MEGF6: variants seen among roughly 807,000 people sequenced by gnomAD.
MEGF6 encodes multiple EGF like domains 6.
A neutral mutation model predicts 207.1 loss-of-function variants in MEGF6; 184 were observed. The observed-to-expected ratio is 0.89, with a 90% confidence interval of 0.79 to 1.00. MEGF6 has a LOEUF of 1.00. Ranked by LOEUF, MEGF6 falls within the 50% of genes least tolerant of loss-of-function variation. The probability of loss-of-function intolerance (pLI) is 0.00; values close to 1 mark genes in which losing one functional copy is unlikely to be tolerated. For synonymous variants in MEGF6, 1,038 were observed against 910.0 expected (o/e 1.14, Z -2.53); for missense variants, 2,282 against 2,202.9 (o/e 1.04, Z -0.72).
rs144297991 is a variant in MEGF6, at chr1:3,529,922, C to T, written c.482-5676G>A. Among the ~76,000 whole-genome samples the T allele has an allele frequency of 5.2e-4, 79 of 152,382 alleles. No individual in the cohort carries two copies. The East Asian group carries it at 9.4e-3, about 18-fold the overall frequency. On this transcript the variant is annotated intron_variant, in intron 4 of 36. Coordinates refer to ENST00000356575, the MANE Select transcript of MEGF6 (RefSeq NM_001409.4). ...CTCAGGGCAGTTATCAAGTTCCAAGCCCTGCTTTGTCCCCACACTTGCCAC... is the reference window on the plus strand; with the variant it reads ...CTCAGGGCAGTTATCAAGTTCCAAGTCCTGCTTTGTCCCCACACTTGCCAC...
chr1:3,509,044 A>T, intron 12 of MEGF6, 31 bp downstream of exon 12: 2 of 1,504,320 alleles, frequency 1.3e-6, no homozygotes, highest in Non-Finnish European at 1.8e-6. Flanking sequence ...CCCTGCGAGC[A>T]GGAGCCCCCG....
At chr1:3,499,455 G>T in intron 23 of MEGF6, 133 bp downstream of exon 23, 1 of 1,437,198 alleles carries the variant, frequency 7.0e-7, no homozygotes, top group Non-Finnish European at 9.3e-7. Context: ...TGGCCCGAGT[G>T]AGCAAAGCAT....
chr1:3,607,826 C>G (rs942250860), intron 1 of MEGF6, among the ~76,000 whole-genome samples: 2 of 152,208 alleles, frequency 1.3e-5, no homozygotes, highest in African/African-American at 2.4e-5. Context: ...CATCTGCTCC[C>G]GAGCAGAGCC....
intron 4 of MEGF6, among the ~76,000 whole-genome samples, chr1:3,567,199 C>T (rs980567000): frequency 2.0e-5 from 3 of 152,228 alleles, no homozygotes; most frequent in African/African-American, 7.2e-5. Flanking sequence ...GGCCACACGG[C>T]GAAGACAGAG....
At chr1:3,549,289 C>G (rs1311122060) in intron 4 of MEGF6, among the ~76,000 whole-genome samples, 1 of 152,226 alleles carries the variant, frequency 6.6e-6, no homozygotes, top group African/African-American at 2.4e-5. Flanking sequence ...CCCGACAAGG[C>G]AGCTGGGGCT....
chr1:3,580,619 C>T (rs1643772976), intron 3 of MEGF6, among the ~76,000 whole-genome samples: 5 of 152,244 alleles, frequency 3.3e-5, no homozygotes, highest in Admixed American at 2.6e-4. Flanking sequence ...ACCCACACTG[C>T]CTCACTGCCC....
intron 35 of MEGF6, among the ~76,000 whole-genome samples, chr1:3,491,785 G>GA (rs1640381770): frequency 6.6e-6 from 1 of 150,426 alleles, no homozygotes; most frequent in Non-Finnish European, 1.5e-5. Flanking sequence ...TGGGGGGGGG[G>GA]GTGCGGGCAG....
chr1:3,587,724 C>A (rs543637137), intron 3 of MEGF6, among the ~76,000 whole-genome samples: 1 of 152,332 alleles, frequency 6.6e-6, no homozygotes, highest in Admixed American at 6.5e-5. Flanking sequence ...TGAGCCTGCA[C>A]TGCTCATGAG....
intron 30 of MEGF6, among the ~76,000 whole-genome samples, chr1:3,495,089 G>A (rs1640545188): frequency 6.6e-6 from 1 of 152,186 alleles, no homozygotes; most frequent in Admixed American, 6.5e-5. Context: ...GGGAGTGAAG[G>A]CACATCCTTC....
chr1:3,498,030 C>T (rs938620248), intron 26 of MEGF6, among the ~76,000 whole-genome samples: 3 of 152,134 alleles, frequency 2.0e-5, no homozygotes, highest in Admixed American at 6.5e-5. Context: ...CCCCAGCCAG[C>T]ACAGGCTCCA....
intron 10 of MEGF6, among the ~76,000 whole-genome samples, chr1:3,510,324 G>A (rs1173473633): frequency 6.6e-6 from 1 of 152,134 alleles, no homozygotes; most frequent in Non-Finnish European, 1.5e-5. Flanking sequence ...GGTCAGCACA[G>A]CCCTCCAGGC....
At position 3,501,917 on chromosome 1, in the gene MEGF6, G is replaced by C. The variant is rs202052071; in HGVS notation, c.2193C>G (p.Cys731Trp). ...AGTTCACGCCAAACGTCCCCACCGG[G>C]CACTCTGCAGGAGAAAGCACGAGGG... ...GFQGEDCGQE[C>W]PVGTFGVNCS... Residue 731 changes from cysteine (C) to tryptophan (W), a missense_variant, in exon 18 of 37, where the codon TGC becomes TGG. Physicochemically the swap from Cys to Trp is radical, Grantham distance 215 (BLOSUM62 -2). Coordinates refer to ENST00000356575, the MANE Select transcript of MEGF6 (RefSeq NM_001409.4). 1.2e-6 allele frequency: 2 copies of C among 1,606,776 alleles called. No homozygotes were observed. The highest frequency in any genetic ancestry group is 1.7e-5 in the Admixed American group (1 of 59,058).
chr1:3,552,998 G>A (rs1415448871), intron 4 of MEGF6, among the ~76,000 whole-genome samples: 3 of 152,142 alleles, frequency 2.0e-5, no homozygotes, highest in Admixed American at 1.3e-4. Context: ...CATCTTGAGA[G>A]GTGCCCAGCC....
intron 7 of MEGF6, among the ~76,000 whole-genome samples, chr1:3,513,366 C>T (rs538833398): frequency 6.7e-6 from 1 of 149,846 alleles, no homozygotes; most frequent in Non-Finnish European, 1.5e-5. Context: ...CTCGGCATCC[C>T]GAGTAGCTGG....
At chr1:3,543,394 CT>C (rs1442777204) in intron 4 of MEGF6, among the ~76,000 whole-genome samples, 1 of 152,184 alleles carries the variant, frequency 6.6e-6, no homozygotes, top group Non-Finnish European at 1.5e-5. Flanking sequence ...CCGGCACCCC[CT>C]GAGCCATGCG....
chr1:3,571,453 G>A (rs994731983), intron 4 of MEGF6, among the ~76,000 whole-genome samples: 5 of 151,936 alleles, frequency 3.3e-5, no homozygotes, highest in African/African-American at 9.7e-5. Flanking sequence ...CCCCAGACAC[G>A]CTGGGTCCTC....
Position 3,498,419 on chromosome 1 carries a change from C to G in MEGF6, c.3304G>C (p.Gly1102Arg). 1 of 1,590,836 alleles carries G rather than the reference C, an allele frequency of 6.3e-7. No individual in the cohort carries two copies. The highest frequency in any genetic ancestry group is 8.5e-7 in the Non-Finnish European group (1 of 1,171,938). ...LNGGLCDPHT[G>R]RCLCPAGWTG... ...CAGCCGGCTGGGCAGAGGCAGCGGC[C>G]CGTGTGCGGGTCACACAGGCCCCCG... is the stretch of plus-strand genomic sequence containing the variant. The change falls in exon 26 of 37, where the codon GGC becomes CGC. Residue 1102 changes from glycine (G) to arginine (R), a missense_variant. Gly to Arg is a moderately radical substitution (Grantham distance 125, BLOSUM62 -2). Coordinates refer to ENST00000356575, the MANE Select transcript of MEGF6 (RefSeq NM_001409.4).
In MEGF6 at chr1:3,564,781, A is replaced by C. The variant is rs1643300106; in HGVS notation, c.481+15044T>G. On this transcript the variant is annotated intron_variant, in intron 4 of 36. Coordinates refer to ENST00000356575, the MANE Select transcript of MEGF6 (RefSeq NM_001409.4). Reference sequence around the variant, plus strand: ...ACCCACTCTGCACCAGGCTCCCCCAAAGCTGGGGACGGGCCCCCTTCACCC... The same window carrying C: ...ACCCACTCTGCACCAGGCTCCCCCACAGCTGGGGACGGGCCCCCTTCACCC... Among the ~76,000 whole-genome samples the C allele has an allele frequency of 2.0e-5, 3 of 152,132 alleles. No individual in the cohort carries two copies. In the South Asian group the frequency reaches 6.2e-4, roughly 32 times the overall value.
rs1232642616 is a variant in MEGF6, at chr1:3,488,438, ACT to A, written c.*2088_*2089del. Among the ~76,000 whole-genome samples, 7 of 151,942 alleles carry A rather than the reference ACT, an allele frequency of 4.6e-5. No homozygotes were observed. The South Asian group carries it at 6.2e-4, about 13-fold the overall frequency. On this transcript the variant is annotated 3_prime_UTR_variant, in exon 37 of 37. Transcript: ENST00000356575. The stretch of plus-strand genomic sequence containing the variant: ...ATTGGGGAGTAATGGTGATATTCTG[ACT>A]CTCTGAATTCCTAGGCCATTTGGGA...
Sources: gnomAD v4.1 joint callset for allele counts (sites outside exome capture counted in the v4.1 genomes callset) on GRCh38, gnomAD v4.1.1 for gene constraint, MANE v1.5 for transcripts, NCBI Gene and HGNC (gene_info 2026-07-23, HGNC 2026-07-21) for gene names.